Variants in NDST3 observed in about 807,000 individuals in gnomAD.
The protein encoded by NDST3 is bifunctional heparan sulfate N-deacetylase/N-sulfotransferase 3.
In NDST3, 58 loss-of-function variants were observed where a neutral mutation model predicts 96.1. That is an observed-to-expected ratio of 0.60 (90% confidence interval 0.49 to 0.75). NDST3 has a LOEUF of 0.75. Among genes scored for constraint, NDST3 ranks in the 30% least tolerant of loss-of-function variants. NDST3 has a pLI of 0.00. For missense variants in NDST3, 788 were observed against 1,034.2 expected (o/e 0.76, Z 3.27); for synonymous variants, 333 against 359.7 (o/e 0.93, Z 0.84).
intron 2 of NDST3, among the ~76,000 whole-genome samples, chr4:118,100,660 A>T (rs1472060288): frequency 6.6e-6 from 1 of 152,128 alleles, no homozygotes; most frequent in Admixed American, 6.5e-5. Flanking sequence ...TGCCAGTGAT[A>T]AGAGGGTTCA....
intron 6 of NDST3, among the ~76,000 whole-genome samples, chr4:118,218,552 G>T (rs1739337882): frequency 6.6e-6 from 1 of 151,830 alleles, no homozygotes; most frequent in Non-Finnish European, 1.5e-5. Context: ...TCAAAATAAT[G>T]AGAGCTATTT....
At chr4:118,171,810 T>C (rs1241019977) in intron 6 of NDST3, among the ~76,000 whole-genome samples, 1 of 152,178 alleles carries the variant, frequency 6.6e-6, no homozygotes, top group Non-Finnish European at 1.5e-5. Context: ...GTTTGCCACA[T>C]CTTTTCTTGC....
rs2126018648 is a variant in NDST3 at position 118,256,164 on chromosome 4, T to C, written c.*452T>C. 1 of 152,406 alleles carries C rather than the reference T, an allele frequency of 6.6e-6. No individual in the cohort carries two copies. Among genetic ancestry groups the C allele is most frequent in the South Asian group, 2.1e-4 (1 of 4,834 alleles). 9.4% of individuals were successfully genotyped at this position (152,406 alleles called of 1,614,324 possible). ...AAGAAGCAAAATAAACATCACAATG[T>C]AGCATAAAATGTCAAAAGCATAACA... On this transcript the variant is annotated 3_prime_UTR_variant, in exon 14 of 14. Coordinates refer to ENST00000296499, the MANE Select transcript of NDST3 (RefSeq NM_004784.3).
intron 3 of NDST3, among the ~76,000 whole-genome samples, chr4:118,111,441 AG>A (rs1730624340): frequency 6.6e-6 from 1 of 152,156 alleles, no homozygotes; most frequent in South Asian, 2.1e-4. Context: ...AGGTGGGCAA[AG>A]TAGGGAAGCA....
intron 2 of NDST3, among the ~76,000 whole-genome samples, chr4:118,057,931 A>G (rs910519556): frequency 2.6e-5 from 4 of 152,086 alleles, no homozygotes; most frequent in African/African-American, 9.7e-5. Context: ...ATTTGTTGCT[A>G]AAACGTAGAG....
chr4:118,155,543 T>A (rs1734661720), intron 6 of NDST3, among the ~76,000 whole-genome samples: 1 of 152,258 alleles, frequency 6.6e-6, no homozygotes, highest in Non-Finnish European at 1.5e-5. Flanking sequence ...TTTTTATTAC[T>A]CTTTCCTAAA....
chr4:118,173,721 A>G (rs947884479), intron 6 of NDST3, among the ~76,000 whole-genome samples: 4 of 152,190 alleles, frequency 2.6e-5, no homozygotes, highest in African/African-American at 9.7e-5. Flanking sequence ...CTCTGTATAC[A>G]GTATGTATAT....
At chr4:118,127,501 T>C (rs780925422) in intron 4 of NDST3, among the ~76,000 whole-genome samples, 1 of 152,068 alleles carries the variant, frequency 6.6e-6, no homozygotes, top group East Asian at 1.9e-4. Context: ...GAGTTCACTG[T>C]AGGAGTATTA....
chr4:118,215,690 G>A (rs538349522), intron 6 of NDST3, among the ~76,000 whole-genome samples: 16 of 152,200 alleles, frequency 1.1e-4, no homozygotes, highest in African/African-American at 3.6e-4. Flanking sequence ...TCACATGGGA[G>A]TTGAAAGTAG....
At chr4:118,245,758 A>G (rs933300057) in intron 12 of NDST3, among the ~76,000 whole-genome samples, 2 of 152,232 alleles carry the variant, frequency 1.3e-5, no homozygotes, top group Non-Finnish European at 2.9e-5. Context: ...TAACAGTTCA[A>G]AATAAATATA....
chr4:118,101,368 G>GAAAA (rs67248472), intron 2 of NDST3, among the ~76,000 whole-genome samples: 2 of 141,540 alleles, frequency 1.4e-5, no homozygotes, highest in Non-Finnish European at 3.0e-5. Flanking sequence ...ATGAAGACTT[G>GAAAA]AAAAAAAAAA....
intron 4 of NDST3, among the ~76,000 whole-genome samples, chr4:118,120,922 C>G (rs1324990822): frequency 1.3e-5 from 2 of 152,170 alleles, no homozygotes. Context: ...AGCCAAAGAT[C>G]ACATTACATT....
intron 6 of NDST3, among the ~76,000 whole-genome samples, chr4:118,146,324 G>A (rs1159991888): frequency 3.9e-5 from 6 of 152,114 alleles, no homozygotes; most frequent in South Asian, 2.1e-4. Flanking sequence ...TGAGGTTATC[G>A]TTTACTACAA....
intron 2 of NDST3, among the ~76,000 whole-genome samples, chr4:118,092,199 C>T (rs1728934511): frequency 6.8e-6 from 1 of 147,894 alleles, no homozygotes; most frequent in African/African-American, 2.5e-5. Flanking sequence ...TCTCCTAATG[C>T]TATCCCTAAG....
At chr4:118,045,510 TAATG>T (rs1724711564) in intron 1 of NDST3, among the ~76,000 whole-genome samples, 2 of 152,196 alleles carry the variant, frequency 1.3e-5, no homozygotes, top group Non-Finnish European at 2.9e-5. Flanking sequence ...CTAAATATTT[TAATG>T]AATGAACTAC....
chr4:118,238,146 AAAAGAAAGAAAAGAAAGAAAG>A (rs1578858188), intron 10 of NDST3, among the ~76,000 whole-genome samples: 1 of 83,734 alleles, frequency 1.2e-5, no homozygotes, highest in Non-Finnish European at 3.0e-5. Flanking sequence ...AGAGAGAGAG[AAAAGAAAGAAAAGAAAGAAAG>A]AAAGAAAGAA....
At chr4:118,230,604 G>C (rs1259126627) in intron 8 of NDST3, among the ~76,000 whole-genome samples, 2 of 152,050 alleles carry the variant, frequency 1.3e-5, no homozygotes, top group Non-Finnish European at 2.9e-5. Flanking sequence ...GAAATTCTTG[G>C]GTTATAACAA....
chr4:118,054,693 G>A lies in NDST3; in HGVS notation c.783G>A (p.Leu261=). Residue 261 remains leucine (L), a synonymous_variant, in exon 2 of 14, where the codon CTG becomes CTA. Coordinates refer to ENST00000296499, the MANE Select transcript of NDST3 (RefSeq NM_004784.3). The part of the protein sequence containing the change: ...GAFYATIIHD[L]GLHDGIQRVL... ...TTTATGCCACTATTATACATGACCT[G>A]GGGCTTCATGATGGAATTCAAAGGG... 6.2e-7 allele frequency: 1 copy of A among 1,613,296 alleles called. No individual in the cohort carries two copies. Among genetic ancestry groups the A allele is most frequent in the Non-Finnish European group, 8.5e-7 (1 of 1,179,496 alleles).
chr4:118,098,819 T>C (rs1413782069), intron 2 of NDST3, among the ~76,000 whole-genome samples: 1 of 152,098 alleles, frequency 6.6e-6, no homozygotes, highest in African/African-American at 2.4e-5. Flanking sequence ...GAAGTTACTA[T>C]AATACAGCTA....
Sources: gnomAD v4.1 joint callset for allele counts (sites outside exome capture counted in the v4.1 genomes callset) on GRCh38, gnomAD v4.1.1 for gene constraint, MANE v1.5 for transcripts, NCBI Gene and HGNC (gene_info 2026-07-23, HGNC 2026-07-21) for gene names.